PRKG1: variants seen among roughly 807,000 people sequenced by gnomAD.
The protein encoded by PRKG1 is protein kinase cGMP-dependent 1.
PRKG1 carries 35 observed loss-of-function variants against 88.1 expected under a neutral mutation model. The observed-to-expected ratio is 0.40, with a 90% CI of 0.30 to 0.53. The LOEUF is 0.53. Among genes scored for constraint, PRKG1 ranks in the 20% least tolerant of loss-of-function variants. The probability of loss-of-function intolerance (pLI) is 0.59; values close to 1 mark genes in which losing one functional copy is unlikely to be tolerated. For synonymous variants in PRKG1, 303 were observed against 292.5 expected, an observed-to-expected ratio of 1.04 and a Z score of -0.37; for missense variants, 540 against 839.8, an observed-to-expected ratio of 0.64 and a Z score of 4.41.
intron 2 of PRKG1, among the ~76,000 whole-genome samples, chr10:51,339,537 A>G (rs1159408996): frequency 6.6e-6 from 1 of 151,918 alleles, no homozygotes; most frequent in Non-Finnish European, 1.5e-5. Flanking sequence ...AAAATTTAGA[A>G]AACAAAAAAG....
intron 2 of PRKG1, among the ~76,000 whole-genome samples, chr10:51,204,253 T>G (rs1837986913): frequency 6.6e-6 from 1 of 152,182 alleles, no homozygotes; most frequent in Non-Finnish European, 1.5e-5. Context: ...TTGTTGCATC[T>G]TTTATTTTTA....
intron 8 of PRKG1, among the ~76,000 whole-genome samples, chr10:52,154,312 A>G (rs1157747892): frequency 1.3e-5 from 2 of 152,206 alleles, no homozygotes; most frequent in African/African-American, 4.8e-5. Flanking sequence ...TGACAGTAAC[A>G]GAAATCTGTA....
At chr10:51,297,814 T>C (rs1259585810) in intron 2 of PRKG1, among the ~76,000 whole-genome samples, 3 of 152,150 alleles carry the variant, frequency 2.0e-5, no homozygotes, top group Non-Finnish European at 4.4e-5. Context: ...TTTGATGAAA[T>C]CATGATGATA....
chr10:51,229,227 T>C (rs1453013921), intron 2 of PRKG1, among the ~76,000 whole-genome samples: 1 of 152,190 alleles, frequency 6.6e-6, no homozygotes, highest in Non-Finnish European at 1.5e-5. Flanking sequence ...AGGGTCTCCA[T>C]GGTAAAGCAC....
At chr10:52,044,891 G>A (rs2133236795) in intron 5 of PRKG1, among the ~76,000 whole-genome samples, 1 of 152,216 alleles carries the variant, frequency 6.6e-6, no homozygotes, top group East Asian at 1.9e-4. Context: ...CCTGGTGACA[G>A]TTCCGTTATT....
intron 3 of PRKG1, among the ~76,000 whole-genome samples, chr10:51,707,762 G>A (rs545884851): frequency 6.6e-6 from 1 of 152,260 alleles, no homozygotes; most frequent in South Asian, 2.1e-4. Flanking sequence ...GAAAACATTT[G>A]ATTCCAGGCT....
At chr10:51,581,838 T>C (rs1838045411) in intron 3 of PRKG1, among the ~76,000 whole-genome samples, 2 of 152,114 alleles carry the variant, frequency 1.3e-5, no homozygotes, top group African/African-American at 2.4e-5. Flanking sequence ...ATTTCATCTT[T>C]TATTCCATAG....
intron 3 of PRKG1, among the ~76,000 whole-genome samples, chr10:51,516,177 G>A (rs969085122): frequency 6.6e-6 from 1 of 152,170 alleles, no homozygotes; most frequent in African/African-American, 2.4e-5. Context: ...TCTCAGGAGA[G>A]AAGGGAGCTG....
At chr10:51,884,212 C>T (rs1247743294) in intron 4 of PRKG1, among the ~76,000 whole-genome samples, 2 of 150,632 alleles carry the variant, frequency 1.3e-5, no homozygotes, top group South Asian at 2.1e-4. Flanking sequence ...TTTGGGAGGC[C>T]GAGACGGGCA....
intron 4 of PRKG1, among the ~76,000 whole-genome samples, chr10:51,843,156 AC>A (rs1840321995): frequency 7.5e-6 from 1 of 134,224 alleles, no homozygotes; most frequent in Non-Finnish European, 1.5e-5. Flanking sequence ...GAGTGCAGTG[AC>A]GCAATCTTGG....
chr10:51,169,492 C>T (rs9415757), intron 2 of PRKG1, among the ~76,000 whole-genome samples: 3 of 152,034 alleles, frequency 2.0e-5, no homozygotes, highest in Non-Finnish European at 4.4e-5. Flanking sequence ...GTTTTTACTT[C>T]TTTTTCTTGG....
At chr10:51,615,679 T>A (rs192021254) in intron 3 of PRKG1, among the ~76,000 whole-genome samples, 1 of 151,716 alleles carries the variant, frequency 6.6e-6, no homozygotes, top group African/African-American at 2.4e-5. Context: ...TTAATGATGC[T>A]TGTCTCTTTG....
chr10:52,084,867 C>T (rs1564462233), intron 7 of PRKG1, among the ~76,000 whole-genome samples: 1 of 151,848 alleles, frequency 6.6e-6, no homozygotes, highest in Non-Finnish European at 1.5e-5. Flanking sequence ...GATGTTATGT[C>T]GCTTAGGTAT....
chr10:51,930,410 C>T (rs933732160), intron 5 of PRKG1, among the ~76,000 whole-genome samples: 4 of 150,186 alleles, frequency 2.7e-5, no homozygotes, highest in Non-Finnish European at 5.9e-5. Flanking sequence ...TATATTTTAC[C>T]ACAGTACAAT....
chr10:51,318,530 A>G (rs537877054), intron 2 of PRKG1, among the ~76,000 whole-genome samples: 18 of 152,314 alleles, frequency 1.2e-4, no homozygotes, highest in African/African-American at 4.3e-4. Flanking sequence ...AAAGACTTTC[A>G]GTGCTGTGGA....
chr10:51,101,988 A>G (rs1227174280), intron 1 of PRKG1, among the ~76,000 whole-genome samples: 1 of 152,228 alleles, frequency 6.6e-6, no homozygotes, highest in Non-Finnish European at 1.5e-5. Flanking sequence ...ATACTTAACA[A>G]CTAGGTCTCA....
chr10:51,526,525 A>G (rs1841887921), intron 3 of PRKG1, among the ~76,000 whole-genome samples: 1 of 152,180 alleles, frequency 6.6e-6, no homozygotes, highest in Admixed American at 6.5e-5. Flanking sequence ...GAGTTTTCCA[A>G]TGTACCCTTC....
Position 51,570,850 on chromosome 10 carries a change from C to T in PRKG1, c.592+103014C>T, listed in dbSNP as rs192123500. 2.0e-3 allele frequency among the ~76,000 whole-genome samples: 300 copies of T among 152,062 alleles called. 1 individual carries two copies. The highest frequency in any genetic ancestry group is 6.9e-3 in the African/African-American group (285 of 41,536). On this transcript the variant is annotated intron_variant, in intron 3 of 17. Transcript: ENST00000373980. The stretch of plus-strand genomic sequence containing the variant: ...GTCATTGTTTGTACTAGCTATCCTA[C>T]AGCCCCAATATAGTTTTGAAATTGA...
intron 10 of PRKG1, among the ~76,000 whole-genome samples, chr10:52,263,046 A>T (rs1488491915): frequency 6.6e-6 from 1 of 152,104 alleles, no homozygotes; most frequent in African/African-American, 2.4e-5. Flanking sequence ...TTGACAAGAT[A>T]AGTTTTAAAG....
Sources: gnomAD v4.1 joint callset for allele counts (sites outside exome capture counted in the v4.1 genomes callset) on GRCh38, gnomAD v4.1.1 for gene constraint, MANE v1.5 for transcripts, NCBI Gene and HGNC (gene_info 2026-07-23, HGNC 2026-07-21) for gene names.